The following COL22A1 variants were observed in gnomAD, a reference collection of about 807,000 sequenced individuals.
COL22A1 encodes collagen alpha-1(XXII) chain.
Under a neutral mutation model 248.9 loss-of-function variants are expected in COL22A1, and 221 were observed. That is an observed-to-expected ratio of 0.89 (90% CI 0.80 to 0.99). The LOEUF is 0.99. Among genes scored for constraint, COL22A1 ranks in the 50% least tolerant of loss-of-function variants. The pLI, the probability that COL22A1 is intolerant of heterozygous loss-of-function variation, is 0.00. For missense variants in COL22A1, 2,240 were observed against 2,179.0 expected (o/e 1.03, Z -0.56); for synonymous variants, 891 against 793.4 (o/e 1.12, Z -2.07).
chr8:138,901,359 T>G (rs970160446), intron 1 of COL22A1, among the ~76,000 whole-genome samples: 3 of 27,070 alleles, frequency 1.1e-4, no homozygotes, highest in Non-Finnish European at 1.3e-4. Context: ...TACTGGCAGG[T>G]TTTTTTTTTG....
At chr8:138,776,620 C>T (rs998881545) in intron 15 of COL22A1, among the ~76,000 whole-genome samples, 1 of 152,014 alleles carries the variant, frequency 6.6e-6, no homozygotes, top group Admixed American at 6.6e-5. Flanking sequence ...ACATGATCCC[C>T]CTGCTTCCCC....
intron 44 of COL22A1, among the ~76,000 whole-genome samples, chr8:138,656,464 AG>A (rs1320637350): frequency 2.6e-5 from 4 of 152,176 alleles, no homozygotes; most frequent in Admixed American, 2.6e-4. Flanking sequence ...AATTCCAGAA[AG>A]GGTATTTCAG....
rs1239269558 is a variant in COL22A1, at chr8:138,707,438, A to G, written c.2518-4091T>C. On this transcript the variant is annotated intron_variant, in intron 30 of 64. Coordinates refer to ENST00000303045, the MANE Select transcript of COL22A1 (RefSeq NM_152888.3). ...CAGCACATCAAAAAGCTTATCCATC[A>G]TGATCAAATTGGCTTCATCCCTGGG... Among the ~76,000 whole-genome samples the G allele has an allele frequency of 2.0e-5, 3 of 152,338 alleles. No individual in the cohort carries two copies. In the East Asian group the frequency reaches 5.8e-4, roughly 29 times the overall value.
intron 1 of COL22A1, among the ~76,000 whole-genome samples, chr8:138,905,119 C>T (rs975558875): frequency 3.3e-5 from 5 of 152,224 alleles, no homozygotes; most frequent in African/African-American, 4.8e-5. Flanking sequence ...ATGACAAACT[C>T]TAAGCTCTTG....
chr8:138,909,361 T>G (rs1815268118), intron 1 of COL22A1, among the ~76,000 whole-genome samples: 1 of 151,904 alleles, frequency 6.6e-6, no homozygotes, highest in South Asian at 2.1e-4. Flanking sequence ...TATTTATCTT[T>G]GTGGCTGACT....
At chr8:138,913,184 G>T (rs556066960) in intron 1 of COL22A1, among the ~76,000 whole-genome samples, 45 of 151,768 alleles carry the variant, frequency 3.0e-4, no homozygotes, top group Middle Eastern at 3.4e-3. Flanking sequence ...CCCACCCCCT[G>T]CTCCATTTCC....
At chr8:138,747,366 C>A (rs1456661027) in intron 22 of COL22A1, among the ~76,000 whole-genome samples, 1 of 152,102 alleles carries the variant, frequency 6.6e-6, no homozygotes, top group East Asian at 1.9e-4. Context: ...CATCACAAAA[C>A]ATTTTTTGAA....
At chr8:138,674,045 C>G (rs1825286267) in intron 41 of COL22A1, among the ~76,000 whole-genome samples, 1 of 152,150 alleles carries the variant, frequency 6.6e-6, no homozygotes, top group African/African-American at 2.4e-5. Context: ...GTAACATACC[C>G]TCCCCTTGGC....
At chr8:138,719,978 C>T (rs935229107) in intron 27 of COL22A1, among the ~76,000 whole-genome samples, 3 of 152,164 alleles carry the variant, frequency 2.0e-5, no homozygotes, top group African/African-American at 7.2e-5. Context: ...GGTTTCCATG[C>T]GTGCACACAC....
chr8:138,698,773 C>T (rs532437462), intron 32 of COL22A1, among the ~76,000 whole-genome samples: 2 of 147,610 alleles, frequency 1.4e-5, no homozygotes, highest in African/African-American at 5.1e-5. Context: ...AGTAAGTACC[C>T]GCCCTGCAGG....
chr8:138,692,258 G>GCGTGCA (rs1564201694), intron 35 of COL22A1, among the ~76,000 whole-genome samples: 1 of 28,104 alleles, frequency 3.6e-5, no homozygotes, highest in African/African-American at 1.2e-4. Context: ...GTATGTGTGC[G>GCGTGCA]TGTGTGCATG....
intron 56 of COL22A1, among the ~76,000 whole-genome samples, chr8:138,613,561 G>A (rs1021122654): frequency 2.6e-5 from 4 of 152,158 alleles, no homozygotes; most frequent in African/African-American, 9.7e-5. Flanking sequence ...CCTCTAGCAA[G>A]CACCAACCCC....
chr8:138,726,510 A>AAAAAAAAG (rs1554603431), intron 23 of COL22A1, among the ~76,000 whole-genome samples: 4 of 151,128 alleles, frequency 2.6e-5, no homozygotes, highest in African/African-American at 9.7e-5. Context: ...AAAAAAAAAA[A>AAAAAAAAG]AAAGAAAGAA....
intron 4 of COL22A1, among the ~76,000 whole-genome samples, chr8:138,834,171 G>A (rs1292685316): frequency 6.6e-6 from 1 of 152,044 alleles, no homozygotes; most frequent in African/African-American, 2.4e-5. Flanking sequence ...TCAGACACTG[G>A]GGAAAGCTCT....
At chr8:138,637,240 G>A (rs1238939635) in intron 47 of COL22A1, among the ~76,000 whole-genome samples, 12 of 152,124 alleles carry the variant, frequency 7.9e-5, no homozygotes, top group Non-Finnish European at 1.3e-4. Context: ...AGGAGTGGCA[G>A]GAAAAGAGGC....
chr8:138,777,618 G>A (rs989412671), intron 15 of COL22A1, among the ~76,000 whole-genome samples: 6 of 152,106 alleles, frequency 3.9e-5, no homozygotes, highest in Non-Finnish European at 8.8e-5. Flanking sequence ...AACATACAGT[G>A]TTTGGTTTTC....
intron 59 of COL22A1, among the ~76,000 whole-genome samples, chr8:138,602,680 C>G (rs1452621527): frequency 6.6e-6 from 1 of 152,212 alleles, no homozygotes; most frequent in African/African-American, 2.4e-5. Flanking sequence ...AGAGAAGTGG[C>G]CCTCTTCTAT....
At chr8:138,753,796 G>T (rs1410292567) in intron 21 of COL22A1, among the ~76,000 whole-genome samples, 2 of 152,184 alleles carry the variant, frequency 1.3e-5, no homozygotes, top group African/African-American at 4.8e-5. Flanking sequence ...TCTAGGTAAA[G>T]GGTGAGGACT....
At chr8:138,667,288 G>A (rs1262747924) in intron 41 of COL22A1, among the ~76,000 whole-genome samples, 2 of 152,118 alleles carry the variant, frequency 1.3e-5, no homozygotes, top group African/African-American at 2.4e-5. Context: ...AAACTATTAT[G>A]ACTTCTTGAA....
Sources: gnomAD v4.1 joint callset for allele counts (sites outside exome capture counted in the v4.1 genomes callset) on GRCh38, gnomAD v4.1.1 for gene constraint, MANE v1.5 for transcripts, NCBI Gene and HGNC (gene_info 2026-07-23, HGNC 2026-07-21) for gene names.